RB1: variants seen among roughly 807,000 people sequenced by gnomAD.
RB1 encodes retinoblastoma-associated protein.
Under a neutral mutation model 135.4 loss-of-function variants are expected in RB1, and 18 were observed. The ratio of observed to expected loss-of-function variants is 0.13; its 90% CI spans 0.09 to 0.20. The LOEUF (loss-of-function observed/expected upper bound fraction) is 0.20, where lower values mean the gene tolerates loss of function less well. RB1 is among the 10% of genes least tolerant of loss of function. The pLI is 1.00. For synonymous variants in RB1, 365 were observed against 373.2 expected (o/e 0.98, Z 0.25); for missense variants, 868 against 1,110.0 (o/e 0.78, Z 3.10).
At chr13:48,380,023 C>G (rs752155847) in intron 14 of RB1, 30 bp from the exon 15 acceptor site, 887 of 769,278 alleles carry the variant, frequency 1.2e-3, no homozygotes, top group Non-Finnish European at 1.5e-3. Context: ...TAAACAACTT[C>G]TTTTTTTTTT....
intron 2 of RB1, among the ~76,000 whole-genome samples, chr13:48,329,958 A>C (rs1182108016): frequency 6.6e-6 from 1 of 152,198 alleles, no homozygotes; most frequent in African/African-American, 2.4e-5. Context: ...ATATTTAAGA[A>C]GATTGAGATA....
intron 17 of RB1, among the ~76,000 whole-genome samples, chr13:48,426,000 A>T (rs960008563): frequency 7.2e-5 from 11 of 152,196 alleles, no homozygotes; most frequent in Admixed American, 2.0e-4. Flanking sequence ...AGTTCCTTAT[A>T]CATGTTTGTA....
intron 2 of RB1, chr13:48,318,583 G>A (rs1265884191): frequency 4.7e-6 from 3 of 631,640 alleles, no homozygotes; most frequent in Non-Finnish European, 8.3e-6. Flanking sequence ...GGCAGGTCCC[G>A]CCCCTCATGG....
chr13:48,347,760 A>G (rs2138091352), intron 4 of RB1, 65 bp from the exon 5 acceptor site: 2 of 1,100,940 alleles, frequency 1.8e-6, no homozygotes, highest in East Asian at 2.4e-5. Flanking sequence ...ATAAAGCATG[A>G]GAAAACTACT....
intron 4 of RB1, 56 bp from the exon 5 acceptor site, chr13:48,347,769 C>G (rs1952510929): frequency 8.1e-7 from 1 of 1,227,354 alleles, no homozygotes; most frequent in East Asian, 2.3e-5. Context: ...GAGAAAACTA[C>G]TATGACTTCT....
At chr13:48,408,036 A>G (rs1285084976) in intron 17 of RB1, among the ~76,000 whole-genome samples, 1 of 152,156 alleles carries the variant, frequency 6.6e-6, no homozygotes, top group Non-Finnish European at 1.5e-5. Context: ...CAGATTCTTG[A>G]TAACTATGTA....
At chr13:48,361,206 A>C (rs903962333) in intron 7 of RB1, among the ~76,000 whole-genome samples, 2 of 152,120 alleles carry the variant, frequency 1.3e-5, no homozygotes, top group African/African-American at 4.8e-5. Flanking sequence ...TTGATGTTGC[A>C]AGTTACTTTA....
chr13:48,306,571 C>G (rs1041337924), intron 1 of RB1, among the ~76,000 whole-genome samples: 3 of 152,202 alleles, frequency 2.0e-5, no homozygotes, highest in Non-Finnish European at 4.4e-5. Flanking sequence ...TCCAATTTGA[C>G]AGACATCTGT....
intron 17 of RB1, among the ~76,000 whole-genome samples, chr13:48,443,360 T>C (rs531505291): frequency 2.8e-4 from 43 of 152,116 alleles, no homozygotes; most frequent in African/African-American, 1.0e-3. Context: ...TTCATTTGCT[T>C]TTTTATTTTT....
At chr13:48,318,197 T>A (rs941578984) in intron 2 of RB1, 1 of 585,874 alleles carries the variant, frequency 1.7e-6, no homozygotes, top group Non-Finnish European at 3.0e-6. Flanking sequence ...GTTTGTTCCC[T>A]GGACCCTCGC....
intron 2 of RB1, among the ~76,000 whole-genome samples, chr13:48,323,976 G>C (rs1952263481): frequency 6.6e-6 from 1 of 151,878 alleles, no homozygotes; most frequent in Non-Finnish European, 1.5e-5. Flanking sequence ...AGTAAATAAA[G>C]ACTTGTTTTA....
intron 17 of RB1, among the ~76,000 whole-genome samples, chr13:48,430,049 A>G (rs1376036345): frequency 6.6e-6 from 1 of 152,228 alleles, no homozygotes; most frequent in Non-Finnish European, 1.5e-5. Context: ...ACTGTGGGTT[A>G]TATCACCTAG....
At chr13:48,401,924 T>C (rs971577880) in intron 17 of RB1, among the ~76,000 whole-genome samples, 2 of 152,226 alleles carry the variant, frequency 1.3e-5, no homozygotes, top group Non-Finnish European at 2.9e-5. Context: ...TCTTGCTATC[T>C]TTTAAGTCTG....
chr13:48,374,281 A>C lies in RB1; in HGVS notation c.1215+789A>C. Among the ~76,000 whole-genome samples the C allele has an allele frequency of 1.3e-5, 2 of 152,164 alleles. 1 individual carries two copies. Among genetic ancestry groups the C allele is most frequent in the East Asian group, 3.8e-4 (2 of 5,202 alleles). ...AAGAAAGAGAGAGAATGAAACTATCATCTATATTGCTTGCTTGCTCCTTCA... is the reference window on the plus strand; with the variant it reads ...AAGAAAGAGAGAGAATGAAACTATCCTCTATATTGCTTGCTTGCTCCTTCA... On this transcript the variant is annotated intron_variant, in intron 12 of 26. Transcript: ENST00000267163.
intron 1 of RB1, among the ~76,000 whole-genome samples, chr13:48,304,924 A>G (rs1566174559): frequency 6.6e-6 from 1 of 152,116 alleles, no homozygotes; most frequent in African/African-American, 2.4e-5. Flanking sequence ...TCTGTGCGCA[A>G]ATGGAAATTT....
At chr13:48,380,968 A>C (rs1347690945) in intron 16 of RB1, among the ~76,000 whole-genome samples, 1 of 152,202 alleles carries the variant, frequency 6.6e-6, no homozygotes. Flanking sequence ...GGCTGATAAG[A>C]TACTAAACCT....
In RB1 at chr13:48,345,022, G is replaced by A. The variant is rs4151455; in HGVS notation, c.381-58G>A. 2.0e-4 allele frequency: 319 copies of A among 1,560,052 alleles called. No homozygotes were observed. The African/African-American group carries it at 3.3e-3, about 16-fold the overall frequency. ...ATTGAAATATCTATGATTTGAAAACGAAATAACACAAATTTTTAAGGTTAC... is the reference window on the plus strand; with the variant it reads ...ATTGAAATATCTATGATTTGAAAACAAAATAACACAAATTTTTAAGGTTAC... On this transcript the variant is annotated intron_variant, in intron 3 of 26. Transcript: ENST00000267163.
chr13:48,433,128 G>T (rs1949146963), intron 17 of RB1, among the ~76,000 whole-genome samples: 1 of 151,924 alleles, frequency 6.6e-6, no homozygotes, highest in South Asian at 2.1e-4. Flanking sequence ...ATTAATTTCT[G>T]ATATGAACAT....
chr13:48,410,773 T>C (rs952779274), intron 17 of RB1, among the ~76,000 whole-genome samples: 1 of 152,144 alleles, frequency 6.6e-6, no homozygotes, highest in African/African-American at 2.4e-5. Context: ...ATCTGCTTTC[T>C]ACAAATTGCC....
Sources: gnomAD v4.1 joint callset for allele counts (sites outside exome capture counted in the v4.1 genomes callset) on GRCh38, gnomAD v4.1.1 for gene constraint, MANE v1.5 for transcripts, NCBI Gene and HGNC (gene_info 2026-07-23, HGNC 2026-07-21) for gene names.